The following DSCAM variants were observed in gnomAD, a reference collection of about 807,000 sequenced individuals.
DSCAM encodes the protein cell adhesion molecule DSCAM.
A neutral mutation model predicts 217.7 loss-of-function variants in DSCAM; 47 were observed. The ratio of observed to expected loss-of-function variants is 0.22; its 90% CI spans 0.17 to 0.28. The LOEUF is 0.28. DSCAM is among the 10% of genes least tolerant of loss of function. DSCAM has a pLI of 1.00. For missense variants in DSCAM, 2,080 were observed against 2,618.3 expected (o/e 0.79, Z 4.49); for synonymous variants, 1,056 against 1,015.3 (o/e 1.04, Z -0.76).
chr21:40,716,948 G>C (rs564941917), intron 1 of DSCAM, among the ~76,000 whole-genome samples: 1 of 152,214 alleles, frequency 6.6e-6, no homozygotes, highest in African/African-American at 2.4e-5. Context: ...ATAAGTGATA[G>C]AGAAACTAAT....
At chr21:40,494,975 A>G (rs374499713) in intron 3 of DSCAM, among the ~76,000 whole-genome samples, 2 of 152,300 alleles carry the variant, frequency 1.3e-5, no homozygotes, top group African/African-American at 4.8e-5. Flanking sequence ...ATACACCAAC[A>G]AACTGGATAA....
At chr21:40,384,463 C>G (rs1346915417) in intron 3 of DSCAM, 1 of 152,336 alleles carries the variant, frequency 6.6e-6, no homozygotes, top group Non-Finnish European at 1.5e-5. Flanking sequence ...CAAAGTTAGC[C>G]AGGCATGGTG....
intron 8 of DSCAM, among the ~76,000 whole-genome samples, chr21:40,317,579 G>T (rs1185557501): frequency 6.6e-6 from 1 of 151,944 alleles, no homozygotes; most frequent in African/African-American, 2.4e-5. Context: ...GCCTAGGCTG[G>T]AGTTCAGTGG....
intron 3 of DSCAM, among the ~76,000 whole-genome samples, chr21:40,522,671 C>A (rs1262691973): frequency 6.6e-6 from 1 of 152,102 alleles, no homozygotes; most frequent in Non-Finnish European, 1.5e-5. Flanking sequence ...TAGGTGTGAT[C>A]GTCATGAGCA....
intron 26 of DSCAM, among the ~76,000 whole-genome samples, chr21:40,076,718 G>A (rs420248): frequency 0.21 from 32,562 of 152,196 alleles, 4,440 homozygotes; most frequent in South Asian, 0.43. Flanking sequence ...CTACACATGA[G>A]TAGTTTCTAA....
At chr21:40,605,419 G>A (rs1040374422) in intron 3 of DSCAM, among the ~76,000 whole-genome samples, 1 of 152,116 alleles carries the variant, frequency 6.6e-6, no homozygotes, top group Non-Finnish European at 1.5e-5. Flanking sequence ...TCACTTCCAA[G>A]CTCTCTGGGT....
At chr21:40,047,460 G>A (rs576941205) in intron 30 of DSCAM, among the ~76,000 whole-genome samples, 2 of 152,282 alleles carry the variant, frequency 1.3e-5, no homozygotes, top group African/African-American at 4.8e-5. Flanking sequence ...ATGAGTTGGA[G>A]GGCACAGGAT....
intron 3 of DSCAM, among the ~76,000 whole-genome samples, chr21:40,478,755 C>G (rs1046297326): frequency 2.0e-5 from 3 of 152,184 alleles, no homozygotes; most frequent in African/African-American, 7.2e-5. Context: ...TTATACACAG[C>G]TTCCAAGACC....
chr21:40,566,090 C>G (rs1568909497), intron 3 of DSCAM, among the ~76,000 whole-genome samples: 1 of 152,148 alleles, frequency 6.6e-6, no homozygotes, highest in Non-Finnish European at 1.5e-5. Context: ...AAGATGTCAT[C>G]CTTTTTCCTC....
At chr21:40,725,818 A>C (rs915430260) in intron 1 of DSCAM, among the ~76,000 whole-genome samples, 1 of 152,206 alleles carries the variant, frequency 6.6e-6, no homozygotes, top group African/African-American at 2.4e-5. Flanking sequence ...CCATTTATAA[A>C]GCAAGGTGTG....
chr21:40,620,299 A>AAAG (rs1192476334), intron 3 of DSCAM, among the ~76,000 whole-genome samples: 1 of 68,026 alleles, frequency 1.5e-5, no homozygotes, highest in African/African-American at 5.8e-5. Context: ...GAAAAAAGAA[A>AAAG]AAGAAAGAGA....
At chr21:40,248,471 C>T (rs958478609) in intron 11 of DSCAM, among the ~76,000 whole-genome samples, 2 of 152,210 alleles carry the variant, frequency 1.3e-5, no homozygotes, top group Non-Finnish European at 2.9e-5. Context: ...ATCTCTAGGA[C>T]AGGGGCAAAA....
intron 3 of DSCAM, chr21:40,513,217 T>A (rs929954743): frequency 2.6e-5 from 4 of 152,114 alleles, no homozygotes; most frequent in Non-Finnish European, 5.9e-5. Context: ...ATAACCTACC[T>A]ACCCCGTACA....
chr21:40,484,238 G>A (rs2076006482), intron 3 of DSCAM, among the ~76,000 whole-genome samples: 9 of 152,212 alleles, frequency 5.9e-5, no homozygotes, highest in Admixed American at 5.9e-4. Flanking sequence ...TGTGAAAGGT[G>A]GAAGTGGGCA....
chr21:40,369,059 AATAGCAGAC>A, intron 4 of DSCAM, 31 bp downstream of exon 4: 1 of 1,555,710 alleles, frequency 6.4e-7, no homozygotes, highest in Non-Finnish European at 8.7e-7. Flanking sequence ...CTAACAAAGA[AATAGCAGAC>A]ATAGCAGACA....
At chr21:40,083,529 CCT>C (rs1360832548) in intron 24 of DSCAM, among the ~76,000 whole-genome samples, 2 of 152,238 alleles carry the variant, frequency 1.3e-5, no homozygotes, top group African/African-American at 4.8e-5. Context: ...CACTTTAGGT[CCT>C]CTGTCTTTTA....
At chr21:40,454,768 T>C (rs74582231) in intron 3 of DSCAM, among the ~76,000 whole-genome samples, 11,620 of 152,232 alleles carry the variant, frequency 0.076, 887 homozygotes, top group African/African-American at 0.19. Flanking sequence ...GAGGAAACAC[T>C]ACCAATGGCT....
At chr21:40,353,863 T>C in intron 4 of DSCAM, 120 bp from the exon 5 acceptor site, 3 of 901,918 alleles carry the variant, frequency 3.3e-6, no homozygotes, top group Non-Finnish European at 4.6e-6. Context: ...GATACAGATC[T>C]TTAAGATTTT....
intron 3 of DSCAM, among the ~76,000 whole-genome samples, chr21:40,376,524 CTTATATAGATATCGATATAT>C: frequency 1.1e-5 from 1 of 92,936 alleles, no homozygotes; most frequent in Admixed American, 1.3e-4. Flanking sequence ...ATCTATATAT[CTTATATAGATATCGATATAT>C]CTTATATCGA....
Sources: gnomAD v4.1 joint callset for allele counts (sites outside exome capture counted in the v4.1 genomes callset) on GRCh38, gnomAD v4.1.1 for gene constraint, MANE v1.5 for transcripts, NCBI Gene and HGNC (gene_info 2026-07-23, HGNC 2026-07-21) for gene names.